The following GALNT18 variants were observed in gnomAD, a reference collection of about 807,000 sequenced individuals.
GALNT18 encodes GalNAc-transferase 18.
A neutral mutation model predicts 69.5 loss-of-function variants in GALNT18; 44 were observed. That is an observed-to-expected ratio of 0.63 (90% confidence interval 0.50 to 0.81). The LOEUF is 0.81. GALNT18 is among the 40% of genes least tolerant of loss of function. GALNT18 has a pLI of 0.00. For missense variants in GALNT18, 715 were observed against 810.0 expected, an observed-to-expected ratio of 0.88 and a Z score of 1.42; for synonymous variants, 364 against 318.2, an observed-to-expected ratio of 1.14 and a Z score of -1.53.
chr11:11,523,558 A>T lies in GALNT18; in HGVS notation c.236-74622T>A, dbSNP rs1394337950. Among the ~76,000 whole-genome samples, 1 of 152,016 alleles carries T rather than the reference A, an allele frequency of 6.6e-6. No individual in the cohort carries two copies. Among genetic ancestry groups the T allele is most frequent in the East Asian group, 1.9e-4 (1 of 5,186 alleles). On this transcript the variant is annotated intron_variant, in intron 1 of 10. Coordinates refer to ENST00000227756, the MANE Select transcript of GALNT18 (RefSeq NM_198516.3). The surrounding 1 kb of genome is among the most constrained non-coding windows in gnomAD (Gnocchi z 4.3). ...CACAGTGAAACCCCGTCTCTACTAAAAATACAAAAAATTAGCCAGGCGTGT... is the reference window on the plus strand; with the variant it reads ...CACAGTGAAACCCCGTCTCTACTAATAATACAAAAAATTAGCCAGGCGTGT...
chr11:11,620,023 C>G lies in GALNT18; in HGVS notation c.235+1336G>C, dbSNP rs1860149526. ...TCCTGGAAAGGAACTATTCTGGACA[C>G]CTGGGGAAACACCAAATTCAGACGG... On this transcript the variant is annotated intron_variant, in intron 1 of 10. Transcript: ENST00000227756. The surrounding 1 kb of genome is among the most constrained non-coding windows in gnomAD (Gnocchi z 6.9). 6.6e-6 allele frequency among the ~76,000 whole-genome samples: 1 copy of G among 152,048 alleles called. No homozygotes were observed. The highest frequency in any genetic ancestry group is 2.4e-5 in the African/African-American group (1 of 41,388).
chr11:11,420,322 A>C (rs1854973606), intron 3 of GALNT18, among the ~76,000 whole-genome samples: 1 of 152,042 alleles, frequency 6.6e-6, no homozygotes, highest in Admixed American at 6.5e-5. Flanking sequence ...CTCACCATCC[A>C]ACAAGGAGGT....
intron 10 of GALNT18, 38 bp from the exon 11 acceptor site, chr11:11,271,328 G>C (rs1443234042): frequency 1.9e-6 from 3 of 1,594,630 alleles, no homozygotes; most frequent in Non-Finnish European, 2.6e-6. Context: ...AGAGGGCATA[G>C]AGGCAACATG....
intron 1 of GALNT18, among the ~76,000 whole-genome samples, chr11:11,533,871 C>T (rs755582476): frequency 3.9e-5 from 6 of 152,174 alleles, no homozygotes; most frequent in African/African-American, 7.2e-5. Flanking sequence ...ACAAAGGTGA[C>T]GTGGCATGGG....
rs1045506354 is a variant in GALNT18 at position 11,601,416 on chromosome 11, A to G, written c.235+19943T>C. The stretch of plus-strand genomic sequence containing the variant: ...ACAGTGTCCTGATTCTCCCTATCGA[A>G]CCCCCTAGGATGACAGTGATTTTAG... On this transcript the variant is annotated intron_variant, in intron 1 of 10. Transcript: ENST00000227756. The surrounding 1 kb of genome is among the most constrained non-coding windows in gnomAD (Gnocchi z 4.0). Among the ~76,000 whole-genome samples, 2 of 151,942 alleles carry G rather than the reference A, an allele frequency of 1.3e-5. No individual in the cohort carries two copies. Among genetic ancestry groups the G allele is most frequent in the African/African-American group, 4.8e-5 (2 of 41,370 alleles).
Position 11,620,283 on chromosome 11 carries a change from G to C in GALNT18, c.235+1076C>G, listed in dbSNP as rs577113490. Among the ~76,000 whole-genome samples, 25 of 150,700 alleles carry C rather than the reference G, an allele frequency of 1.7e-4. No individual in the cohort carries two copies. Among genetic ancestry groups the C allele is most frequent in the Non-Finnish European group, 2.1e-4 (14 of 67,682 alleles). ...AAGCTCACACACCTGGAAGAAAGCA[G>C]GGGGCGCGGGGAGGGGAGGAAGTGT... On this transcript the variant is annotated intron_variant, in intron 1 of 10. Transcript: ENST00000227756. The surrounding 1 kb of genome is among the most constrained non-coding windows in gnomAD (Gnocchi z 6.9).
rs1850318823 is a variant in GALNT18, at chr11:11,347,169, T to G, written c.1093-6165A>C. Among the ~76,000 whole-genome samples, 1 of 152,200 alleles carries G rather than the reference T, an allele frequency of 6.6e-6. No individual in the cohort carries two copies. The highest frequency in any genetic ancestry group is 6.5e-5 in the Admixed American group (1 of 15,280). ...CAGCTGCCAAATGGGGGAGCTGGACTCAATGTTGTCTTAGGTCCCCTCTAC... is the reference window on the plus strand; with the variant it reads ...CAGCTGCCAAATGGGGGAGCTGGACGCAATGTTGTCTTAGGTCCCCTCTAC... On this transcript the variant is annotated intron_variant, in intron 6 of 10. Transcript: ENST00000227756. The surrounding 1 kb of genome is among the most constrained non-coding windows in gnomAD (Gnocchi z 4.0).
intron 1 of GALNT18, among the ~76,000 whole-genome samples, chr11:11,560,213 G>GAGGTATGATGGGATGGGGTGGAACA (rs1858471538): frequency 3.7e-5 from 4 of 108,078 alleles, no homozygotes; most frequent in African/African-American, 1.0e-4. Context: ...AGAATAGAAT[G>GAGGTATGATGGGATGGGGTGGAACA]GAATATGAAG....
At chr11:11,507,100 G>C (rs1228544658) in intron 1 of GALNT18, among the ~76,000 whole-genome samples, 2 of 152,182 alleles carry the variant, frequency 1.3e-5, no homozygotes, top group Non-Finnish European at 2.9e-5. Flanking sequence ...GAGTTGGTTG[G>C]CTTCCTTGGC....
At chr11:11,501,944 C>T (rs778111497) in intron 1 of GALNT18, among the ~76,000 whole-genome samples, 7 of 152,226 alleles carry the variant, frequency 4.6e-5, no homozygotes, top group Non-Finnish European at 1.0e-4. Context: ...CTTGCTTCTA[C>T]GTTGCTTGCT....
At chr11:11,462,434 A>G (rs1383119228) in intron 1 of GALNT18, among the ~76,000 whole-genome samples, 1 of 150,892 alleles carries the variant, frequency 6.6e-6, no homozygotes, top group East Asian at 1.9e-4. Flanking sequence ...CTGCCACCAC[A>G]CCCGGCTAAT....
chr11:11,335,049 G>GTC (rs1850086964), intron 7 of GALNT18, among the ~76,000 whole-genome samples: 1 of 152,124 alleles, frequency 6.6e-6, no homozygotes, highest in African/African-American at 2.4e-5. Context: ...TGTTATAATT[G>GTC]TCTTTATGTG....
At chr11:11,453,589 AG>A (rs1220576807) in intron 1 of GALNT18, among the ~76,000 whole-genome samples, 2 of 152,224 alleles carry the variant, frequency 1.3e-5, no homozygotes, top group African/African-American at 4.8e-5. Context: ...GTTGAATTGT[AG>A]CTCCTATAAT....
intron 10 of GALNT18, among the ~76,000 whole-genome samples, chr11:11,278,492 A>G (rs12272423): frequency 0.054 from 8,264 of 151,964 alleles, 298 homozygotes; most frequent in Middle Eastern, 0.18. Flanking sequence ...CTGCACATGT[A>G]CCCCAGAACT....
rs988337397 is a variant in GALNT18 at position 11,621,965 on chromosome 11, G to A, written c.-372C>T. On this transcript the variant is annotated 5_prime_UTR_variant, in exon 1 of 11. Transcript: ENST00000227756. This position sits in a 1 kb window ranked among gnomAD's most constrained non-coding sequence, Gnocchi z 9.3. ...CCGCTTCCCATCGCCAGCGCCGGCT[G>A]CCTTGGCGGTCCGACCGGCCCGCGC... 1.7e-5 allele frequency: 3 copies of A among 174,048 alleles called. No individual in the cohort carries two copies. The highest frequency in any genetic ancestry group is 3.6e-5 in the Non-Finnish European group (3 of 82,930). 10.8% of individuals were successfully genotyped at this position (174,048 alleles called of 1,614,324 possible). A position where few individuals can be genotyped will look rare whatever the true frequency, so the allele number is the denominator to read the frequency against.
intron 6 of GALNT18, among the ~76,000 whole-genome samples, chr11:11,349,258 G>T (rs1024723612): frequency 1.3e-5 from 2 of 152,154 alleles, no homozygotes; most frequent in Non-Finnish European, 2.9e-5. Context: ...CTCGGAACGC[G>T]CTTGTATGTG....
At chr11:11,354,724 C>T (rs1309874173) in intron 6 of GALNT18, among the ~76,000 whole-genome samples, 1 of 152,088 alleles carries the variant, frequency 6.6e-6, no homozygotes, top group African/African-American at 2.4e-5. Flanking sequence ...CACTACATTC[C>T]TCTGAGCTCA....
intron 2 of GALNT18, among the ~76,000 whole-genome samples, chr11:11,443,796 C>T (rs1173756017): frequency 1.3e-5 from 2 of 152,336 alleles, no homozygotes; most frequent in African/African-American, 2.4e-5. Flanking sequence ...GTCCTGCCTC[C>T]CCCAGTTCTT....
intron 1 of GALNT18, among the ~76,000 whole-genome samples, chr11:11,460,984 C>T (rs1179379595): frequency 6.6e-6 from 1 of 152,180 alleles, no homozygotes; most frequent in Non-Finnish European, 1.5e-5. Context: ...CTGGGAGGTA[C>T]TGGCAAGAGT....
Sources: gnomAD v4.1 joint callset for allele counts (sites outside exome capture counted in the v4.1 genomes callset) on GRCh38, gnomAD v4.1.1 for gene constraint, Gnocchi (gnomAD v3.1) non-coding constraint, MANE v1.5 for transcripts, NCBI Gene and HGNC (gene_info 2026-07-23, HGNC 2026-07-21) for gene names.